Variants in ITGAM observed in about 807,000 individuals in gnomAD.
The protein encoded by ITGAM is integrin alpha-M.
Under a neutral mutation model 137.5 loss-of-function variants are expected in ITGAM, and 79 were observed. The observed-to-expected ratio is 0.57, with a 90% confidence interval of 0.48 to 0.69. ITGAM has a LOEUF of 0.69. Among genes scored for constraint, ITGAM ranks in the 30% least tolerant of loss-of-function variants. ITGAM has a pLI of 0.00. For synonymous variants in ITGAM, 583 were observed against 592.3 expected (o/e 0.98, Z 0.23); for missense variants, 1,343 against 1,483.5 (o/e 0.91, Z 1.56).
chr16:31,306,763 G>A (rs1428138560), intron 14 of ITGAM, among the ~76,000 whole-genome samples: 1 of 152,102 alleles, frequency 6.6e-6, no homozygotes, highest in Non-Finnish European at 1.5e-5. Context: ...GCCCGTCTCA[G>A]CATCCCAAAG....
At chr16:31,298,034 C>T in intron 14 of ITGAM, 80 bp downstream of exon 14, 1 of 1,172,858 alleles carries the variant, frequency 8.5e-7, no homozygotes, top group Non-Finnish European at 1.3e-6. Flanking sequence ...CCACAGCTGC[C>T]AGATAAGTTC....
intron 23 of ITGAM, chr16:31,328,885 A>C: frequency 2.6e-6 from 1 of 383,856 alleles, no homozygotes; most frequent in Non-Finnish European, 4.7e-6. Flanking sequence ...TGTGTGCATG[A>C]GTGTGTATTC....
chr16:31,285,741 A>G (rs997987843), intron 12 of ITGAM, among the ~76,000 whole-genome samples: 4 of 151,962 alleles, frequency 2.6e-5, no homozygotes, highest in Non-Finnish European at 5.9e-5. Context: ...CCCATCACCC[A>G]GGTAGTGAGC....
intron 5 of ITGAM, among the ~76,000 whole-genome samples, chr16:31,269,701 G>A (rs2079807648): frequency 6.6e-6 from 1 of 152,208 alleles, no homozygotes; most frequent in Non-Finnish European, 1.5e-5. Flanking sequence ...AAGCAGGTCT[G>A]TTGCCACCCC....
intron 5 of ITGAM, 84 bp from the exon 6 acceptor site, chr16:31,270,870 T>A: frequency 1.2e-6 from 1 of 839,304 alleles, no homozygotes. Context: ...ATATTCTCAT[T>A]GTTCAGCAGA....
intron 14 of ITGAM, among the ~76,000 whole-genome samples, chr16:31,304,347 T>C (rs993185590): frequency 2.6e-5 from 4 of 152,330 alleles, no homozygotes; most frequent in South Asian, 4.1e-4. Context: ...TTGAGTTCCT[T>C]ATAGTTTCTG....
chr16:31,269,429 TTAAACTATAAAC>T (rs2079804739), intron 5 of ITGAM, among the ~76,000 whole-genome samples: 1 of 152,156 alleles, frequency 6.6e-6, no homozygotes, highest in African/African-American at 2.4e-5. Context: ...CGATCTTTGT[TTAAACTATAAAC>T]TATAAACTAT....
intron 14 of ITGAM, among the ~76,000 whole-genome samples, chr16:31,311,617 T>C (rs956771696): frequency 3.9e-4 from 60 of 152,238 alleles, no homozygotes; most frequent in African/African-American, 1.2e-3. Flanking sequence ...ATGGCAATCA[T>C]TAAAAAGTCA....
rs1486648038 is a variant in ITGAM at position 31,261,709 on chromosome 16, G to A, written c.46G>A (p.Gly16Arg). The change falls in exon 2 of 30, where the codon GGG becomes AGG. Residue 16 changes from glycine (G) to arginine (R), a missense_variant. Coordinates refer to ENST00000544665, the MANE Select transcript of ITGAM (RefSeq NM_000632.4). ...LLLTALTLCH[G>R]FNLDTENAMT... ...CCCTTTAGCCTTGACCTTATGTCAT[G>A]GGTTCAACTTGGACACTGAAAACGC... The A allele has an allele frequency of 6.2e-7, 1 of 1,611,380 alleles. No individual in the cohort carries two copies. Among genetic ancestry groups the A allele is most frequent in the African/African-American group, 1.3e-5 (1 of 74,780 alleles).
chr16:31,307,403 G>C (rs1413416902), intron 14 of ITGAM, among the ~76,000 whole-genome samples: 3 of 152,086 alleles, frequency 2.0e-5, no homozygotes, highest in Non-Finnish European at 4.4e-5. Context: ...TGTTCTCTTT[G>C]AAGCAATTGT....
chr16:31,288,437 C>T (rs1000419022), intron 12 of ITGAM, among the ~76,000 whole-genome samples: 1 of 151,992 alleles, frequency 6.6e-6, no homozygotes, highest in East Asian at 1.9e-4. Flanking sequence ...AGAACAGAGC[C>T]CTCAGAAATA....
At chr16:31,270,137 G>GCTTTC (rs796696322) in intron 5 of ITGAM, among the ~76,000 whole-genome samples, 5,963 of 88,144 alleles carry the variant, frequency 0.068, 431 homozygotes, top group South Asian at 0.16. Flanking sequence ...TTCCTCCTTT[G>GCTTTC]CTTTCCTTTC....
chr16:31,281,998 G>C (rs2079974656), intron 12 of ITGAM, among the ~76,000 whole-genome samples: 1 of 152,148 alleles, frequency 6.6e-6, no homozygotes, highest in African/African-American at 2.4e-5. Flanking sequence ...TTCAGGAGCA[G>C]GTTGTTCAGT....
intron 23 of ITGAM, chr16:31,328,958 G>A (rs150723422): frequency 2.2e-4 from 121 of 552,976 alleles, no homozygotes; most frequent in African/African-American, 1.0e-3. Context: ...GTATTTGTGC[G>A]TGTGTGTGTC....
intron 5 of ITGAM, among the ~76,000 whole-genome samples, chr16:31,268,668 A>G (rs1441475750): frequency 1.3e-5 from 2 of 152,192 alleles, no homozygotes; most frequent in Non-Finnish European, 2.9e-5. Flanking sequence ...GTGGCTCCCC[A>G]TTGCCTACAG....
chr16:31,328,327 TGA>T (rs747099667), intron 23 of ITGAM, 97 bp downstream of exon 23: 75 of 917,216 alleles, frequency 8.2e-5, no homozygotes, highest in African/African-American at 2.8e-4. Context: ...TGTGTGTGTG[TGA>T]GAGTCTGAGG....
At chr16:31,260,126 G>C in intron 1 of ITGAM, 34 bp downstream of exon 1, 2 of 1,410,970 alleles carry the variant, frequency 1.4e-6, no homozygotes, top group South Asian at 2.5e-5. Flanking sequence ...CTCTGGGTGG[G>C]GAGGAGGGTA....
At chr16:31,323,064 G>T (rs1278731199) in intron 16 of ITGAM, among the ~76,000 whole-genome samples, 2 of 151,932 alleles carry the variant, frequency 1.3e-5, no homozygotes, top group African/African-American at 4.8e-5. Flanking sequence ...AAGAAAATAG[G>T]AAAGATGGAA....
intron 14 of ITGAM, among the ~76,000 whole-genome samples, chr16:31,313,088 T>G (rs1324086564): frequency 1.3e-5 from 2 of 151,702 alleles, no homozygotes; most frequent in East Asian, 3.9e-4. Flanking sequence ...CTTGGTGGCG[T>G]GTGCCTGTAA....
Sources: gnomAD v4.1 joint callset for allele counts (sites outside exome capture counted in the v4.1 genomes callset) on GRCh38, gnomAD v4.1.1 for gene constraint, MANE v1.5 for transcripts, NCBI Gene and HGNC (gene_info 2026-07-23, HGNC 2026-07-21) for gene names.